AGBL1: variants seen among roughly 807,000 people sequenced by gnomAD.
The protein encoded by AGBL1 is cytosolic carboxypeptidase 4.
A neutral mutation model predicts 118.9 loss-of-function variants in AGBL1; 130 were observed. That is an observed-to-expected ratio of 1.09 (90% CI 0.95 to 1.26). The LOEUF (loss-of-function observed/expected upper bound fraction) is 1.26, where lower values mean the gene tolerates loss of function less well. AGBL1 is among the 50% of genes most tolerant of loss of function. AGBL1 has a pLI of 0.00. For missense variants in AGBL1, 1,584 were observed against 1,298.1 expected, an observed-to-expected ratio of 1.22 and a Z score of -3.38; for synonymous variants, 555 against 478.9, an observed-to-expected ratio of 1.16 and a Z score of -2.08.
intron 20 of AGBL1, among the ~76,000 whole-genome samples, chr15:86,546,864 G>A (rs1395060965): frequency 6.6e-6 from 1 of 152,106 alleles, no homozygotes; most frequent in Non-Finnish European, 1.5e-5. Context: ...ATGAAAACTG[G>A]TCTTTGTTTA....
chr15:87,013,338 G>A (rs886955565), intron 24 of AGBL1, among the ~76,000 whole-genome samples: 29 of 152,106 alleles, frequency 1.9e-4, no homozygotes, highest in Non-Finnish European at 4.4e-5. Context: ...TTTTCCATTG[G>A]CATTGAGTGC....
At chr15:86,338,265 A>C (rs2141876623) in intron 17 of AGBL1, among the ~76,000 whole-genome samples, 1 of 152,190 alleles carries the variant, frequency 6.6e-6, no homozygotes, top group East Asian at 1.9e-4. Context: ...ACATGTTTTA[A>C]ATCCCCGAGA....
chr15:86,618,549 T>A (rs55634725), intron 21 of AGBL1, among the ~76,000 whole-genome samples: 7,873 of 152,312 alleles, frequency 0.052, 692 homozygotes, highest in African/African-American at 0.18. Context: ...CTAGGGAATC[T>A]GCATTTAATT....
At chr15:86,171,041 G>C (rs2077407104) in intron 5 of AGBL1, among the ~76,000 whole-genome samples, 1 of 152,162 alleles carries the variant, frequency 6.6e-6, no homozygotes, top group Non-Finnish European at 1.5e-5. Flanking sequence ...TCTGTACTCA[G>C]TGAAAATAGC....
chr15:86,438,994 C>T (rs1043914342), intron 18 of AGBL1, among the ~76,000 whole-genome samples: 1 of 152,034 alleles, frequency 6.6e-6, no homozygotes. Context: ...ATCTCTCCCT[C>T]CTCCATTGTC....
chr15:86,811,170 AC>A (rs2078782873), intron 22 of AGBL1, among the ~76,000 whole-genome samples: 2 of 152,176 alleles, frequency 1.3e-5, no homozygotes, highest in Non-Finnish European at 2.9e-5. Flanking sequence ...GAACATCAAG[AC>A]CAGCTAAATA....
intron 18 of AGBL1, among the ~76,000 whole-genome samples, chr15:86,451,978 A>C (rs1353956325): frequency 6.6e-6 from 1 of 152,158 alleles, no homozygotes; most frequent in African/African-American, 2.4e-5. Context: ...TTTATTATTC[A>C]GAAATTTCTA....
chr15:86,213,056 G>A (rs2078127151), intron 5 of AGBL1, among the ~76,000 whole-genome samples: 1 of 152,150 alleles, frequency 6.6e-6, no homozygotes, highest in Non-Finnish European at 1.5e-5. Flanking sequence ...ATCAAGGAGT[G>A]ATCACCAAAT....
intron 16 of AGBL1, among the ~76,000 whole-genome samples, chr15:86,289,526 G>T (rs28753387): frequency 0.032 from 4,943 of 152,160 alleles, 265 homozygotes; most frequent in African/African-American, 0.11. Context: ...ATGTTTTTAT[G>T]TGCCTTTTAA....
chr15:87,021,554 A>C (rs562083745), intron 24 of AGBL1, among the ~76,000 whole-genome samples: 1 of 152,334 alleles, frequency 6.6e-6, no homozygotes, highest in South Asian at 2.1e-4. Context: ...CAGAGTGAAC[A>C]GACAACCTAC....
At chr15:86,601,603 C>T (rs973262086) in intron 21 of AGBL1, among the ~76,000 whole-genome samples, 2 of 152,048 alleles carry the variant, frequency 1.3e-5, no homozygotes, top group African/African-American at 4.8e-5. Flanking sequence ...TCTGAAAAGA[C>T]AGATAAGCTT....
intron 18 of AGBL1, among the ~76,000 whole-genome samples, chr15:86,457,704 A>T (rs561416322): frequency 6.6e-6 from 1 of 152,334 alleles, no homozygotes; most frequent in East Asian, 1.9e-4. Flanking sequence ...TAGTCACATT[A>T]TATAGGATGA....
rs756204466 is a variant in AGBL1 at position 86,264,810 on chromosome 15, A to G, written c.1639A>G (p.Met547Val). The change falls in exon 11 of 23, where the codon ATG (methionine) becomes GTG (valine). Residue 547 changes from methionine (M) to valine (V), a missense_variant. Met to Val is a conservative substitution (Grantham distance 21). Coordinates refer to ENST00000614907, the MANE Select transcript of AGBL1 (RefSeq NM_001386094.1). ...GHCPPPTTQP[M>V]LERKCGVQRI... ...CTGTCCCCCTCCCACCACCCAGCCT[A>G]TGTTGGAACGAAAATGTGGAGTCCA... 2 of 1,609,656 alleles carry G rather than the reference A, an allele frequency of 1.2e-6. No individual in the cohort carries two copies. Among genetic ancestry groups the G allele is most frequent in the South Asian group, 1.1e-5 (1 of 90,266 alleles).
chr15:86,904,294 C>T (rs990428293), intron 22 of AGBL1, among the ~76,000 whole-genome samples: 1 of 152,082 alleles, frequency 6.6e-6, no homozygotes, highest in Non-Finnish European at 1.5e-5. Context: ...CTGATACGGT[C>T]TGCCTTTTTC....
chr15:86,225,760 A>G (rs2078351685), intron 6 of AGBL1, among the ~76,000 whole-genome samples: 1 of 152,104 alleles, frequency 6.6e-6, no homozygotes, highest in Non-Finnish European at 1.5e-5. Context: ...TTGTTTCTCT[A>G]TAGGGAGCCT....
intron 17 of AGBL1, among the ~76,000 whole-genome samples, chr15:86,364,940 A>C (rs2080858080): frequency 7.8e-6 from 1 of 128,804 alleles, no homozygotes; most frequent in African/African-American, 2.9e-5. Flanking sequence ...CAGGAGCCGC[A>C]TTGATTTATA....
chr15:86,420,672 A>C (rs545266425), intron 18 of AGBL1, among the ~76,000 whole-genome samples: 16 of 152,328 alleles, frequency 1.1e-4, no homozygotes, highest in African/African-American at 3.8e-4. Flanking sequence ...CTCTGAGCTA[A>C]AGGAGCATAT....
At chr15:86,278,437 G>T (rs1347258952) in intron 15 of AGBL1, among the ~76,000 whole-genome samples, 1 of 151,278 alleles carries the variant, frequency 6.6e-6, no homozygotes, top group African/African-American at 2.4e-5. Context: ...CCCATTCCGA[G>T]GTGTATAAAT....
At chr15:86,839,723 A>G (rs527847057) in intron 22 of AGBL1, among the ~76,000 whole-genome samples, 24 of 152,310 alleles carry the variant, frequency 1.6e-4, no homozygotes, top group African/African-American at 5.8e-4. Context: ...GCCTCCTGTC[A>G]AGGAATTCTG....
Sources: gnomAD v4.1 joint callset for allele counts (sites outside exome capture counted in the v4.1 genomes callset) on GRCh38, gnomAD v4.1.1 for gene constraint, MANE v1.5 for transcripts, NCBI Gene and HGNC (gene_info 2026-07-23, HGNC 2026-07-21) for gene names.